The following CIZ1 variants were observed in gnomAD, a reference collection of about 807,000 sequenced individuals.
The protein encoded by CIZ1 is cip1-interacting zinc finger protein.
A neutral mutation model predicts 118.6 loss-of-function variants in CIZ1; 58 were observed. That is an observed-to-expected ratio of 0.49 (90% CI 0.40 to 0.61). CIZ1 has a LOEUF of 0.61. Ranked by LOEUF, CIZ1 falls within the 20% of genes least tolerant of loss-of-function variation. The pLI is 0.00. For synonymous variants in CIZ1, 448 were observed against 443.4 expected (o/e 1.01, Z -0.13); for missense variants, 921 against 1,115.9 (o/e 0.83, Z 2.49).
At chr9:128,197,482 T>C (rs1320550853) in intron 1 of CIZ1, 2 of 152,202 alleles carry the variant, frequency 1.3e-5, no homozygotes, top group Non-Finnish European at 2.9e-5. Context: ...TCACCTGGCC[T>C]CCCCAGTGGC....
chr9:128,173,731 GCA>G (rs1830453902), intron 11 of CIZ1, among the ~76,000 whole-genome samples: 2 of 152,136 alleles, frequency 1.3e-5, no homozygotes, highest in Admixed American at 6.5e-5. Flanking sequence ...CGCGGGCCGG[GCA>G]TGGTGGCTTG....
chr9:128,168,914 G>T, intron 14 of CIZ1, 138 bp downstream of exon 14: 1 of 1,211,686 alleles, frequency 8.3e-7, no homozygotes, highest in Non-Finnish European at 1.2e-6. Context: ...GCAGAAGGCA[G>T]TTGACAGTAA....
chr9:128,188,100 C>CAAAAAAAAAAAAAA (rs1832660669), intron 3 of CIZ1, among the ~76,000 whole-genome samples, 166 bp from the exon 4 acceptor site: 1 of 26,844 alleles, frequency 3.7e-5, no homozygotes, highest in Non-Finnish European at 9.4e-5. Context: ...TTAAAAAAAG[C>CAAAAAAAAAAAAAA]AAAAGAAAGA....
Position 128,179,426 on chromosome 9 carries a change from T to C in CIZ1, c.792-11A>G. On this transcript the variant is annotated splice_polypyrimidine_tract_variant and intron_variant, in intron 7 of 16. Transcript: ENST00000372938. ...GTGGGCTCTTCTGAGCTAGGAAGGA[T>C]CAAAAAAAAATCCCAGTCATGTCTT... 6.4e-7 allele frequency: 1 copy of C among 1,551,614 alleles called. No individual in the cohort carries two copies.
At chr9:128,193,214 T>G (rs1387368152), upstream of CIZ1, among the ~76,000 whole-genome samples, 1 of 152,104 alleles carries the variant, frequency 6.6e-6, no homozygotes, top group African/African-American at 2.4e-5. Flanking sequence ...CCCGGGGACG[T>G]CGGCGCCTAT....
At chr9:128,193,753 G>A (rs1833306681), upstream of CIZ1, among the ~76,000 whole-genome samples, 1 of 152,128 alleles carries the variant, frequency 6.6e-6, no homozygotes, top group African/African-American at 2.4e-5. Flanking sequence ...AAGCAAGCAT[G>A]TTAACACCTT....
At chr9:128,173,899 G>A (rs1288017995) in intron 11 of CIZ1, among the ~76,000 whole-genome samples, 8 of 152,096 alleles carry the variant, frequency 5.3e-5, no homozygotes, top group Non-Finnish European at 8.8e-5. Context: ...CCAGCTACTC[G>A]GGAGGCGGAG....
intron 1 of CIZ1, 113 bp from the exon 2 acceptor site, chr9:128,190,975 T>C: frequency 1.4e-6 from 2 of 1,388,320 alleles, no homozygotes; most frequent in South Asian, 1.5e-5. Context: ...GCTGAGGAGC[T>C]TCACAGCTGC....
chr9:128,169,821 G>A (rs2130906971), intron 12 of CIZ1, 199 bp downstream of exon 12: 2 of 1,129,748 alleles, frequency 1.8e-6, no homozygotes, highest in East Asian at 5.1e-5. Flanking sequence ...AGGTGAGATG[G>A]GGCCTGGCCT....
chr9:128,174,704 G>C (rs961042896), intron 11 of CIZ1, among the ~76,000 whole-genome samples: 4 of 152,108 alleles, frequency 2.6e-5, no homozygotes, highest in Admixed American at 1.3e-4. Context: ...CTGTCACCCA[G>C]GCTGAAGTGC....
intron 9 of CIZ1, 57 bp from the exon 10 acceptor site, chr9:128,177,820 C>T: frequency 8.0e-7 from 1 of 1,248,666 alleles, no homozygotes; most frequent in South Asian, 1.5e-5. Context: ...GTGGGCCAGC[C>T]CAGCATTCAA....
chr9:128,180,598 G>GGGC, intron 6 of CIZ1, 75 bp from the exon 7 acceptor site: 4 of 1,423,970 alleles, frequency 2.8e-6, no homozygotes, highest in Non-Finnish European at 3.9e-6. Flanking sequence ...GATGGGGCCT[G>GGGC]GGCTCCCCGC....
chr9:128,199,565 C>T (rs1833459772), intron 1 of CIZ1, among the ~76,000 whole-genome samples: 1 of 151,886 alleles, frequency 6.6e-6, no homozygotes, highest in Non-Finnish European at 1.5e-5. Flanking sequence ...ATTAACTGGG[C>T]ATGGTGGTGT....
intron 2 of CIZ1, 119 bp from the exon 3 acceptor site, chr9:128,190,563 C>G (rs546078273): frequency 7.2e-7 from 1 of 1,383,404 alleles, no homozygotes; most frequent in Admixed American, 2.0e-5. Flanking sequence ...CCCCTTGGGG[C>G]TGGAATTGGT....
At chr9:128,177,192 A>C (rs1340752918) in intron 10 of CIZ1, among the ~76,000 whole-genome samples, 1 of 152,044 alleles carries the variant, frequency 6.6e-6, no homozygotes, top group Non-Finnish European at 1.5e-5. Flanking sequence ...CCGACCCTAA[A>C]CTTTCCTTTG....
At chr9:128,185,447 T>G in intron 5 of CIZ1, 100 bp downstream of exon 5, 1 of 678,952 alleles carries the variant, frequency 1.5e-6, no homozygotes. Flanking sequence ...ATAAAGGGAG[T>G]GTGACCTGTC....
intron 1 of CIZ1, among the ~76,000 whole-genome samples, chr9:128,199,436 C>T (rs1833456785): frequency 6.6e-6 from 1 of 151,988 alleles, no homozygotes; most frequent in East Asian, 1.9e-4. Context: ...TATGGTGGCT[C>T]ACACCTATAG....
At chr9:128,173,336 G>A (rs527480581) in intron 11 of CIZ1, among the ~76,000 whole-genome samples, 46 of 151,674 alleles carry the variant, frequency 3.0e-4, no homozygotes, top group Non-Finnish European at 6.2e-4. Flanking sequence ...TAGTAGAGAC[G>A]GGGTTTCACC....
intron 1 of CIZ1, among the ~76,000 whole-genome samples, chr9:128,200,535 G>A (rs1289318896): frequency 6.6e-6 from 1 of 151,746 alleles, no homozygotes; most frequent in Non-Finnish European, 1.5e-5. Context: ...GCGAGCACCT[G>A]TAATCCCAGC....
Sources: allele counts gnomAD v4.1 joint callset (sites outside exome capture counted in the v4.1 genomes callset), GRCh38; gene constraint gnomAD v4.1.1; transcripts MANE v1.5; gene names NCBI Gene and HGNC (gene_info 2026-07-23, HGNC 2026-07-21).